Variants in USP37 observed in about 807,000 individuals in gnomAD.
The protein encoded by USP37 is ubiquitin specific peptidase 37, also known as ubiquitin carboxyl-terminal hydrolase 37.
Under a neutral mutation model 124.0 loss-of-function variants are expected in USP37, and 27 were observed. That is an observed-to-expected ratio of 0.22 (90% confidence interval 0.16 to 0.30). USP37 has a LOEUF of 0.30. USP37 is among the 10% of genes least tolerant of loss of function. USP37 has a pLI of 1.00. For synonymous variants in USP37, 365 were observed against 388.0 expected, an observed-to-expected ratio of 0.94 and a Z score of 0.70; for missense variants, 889 against 1,140.4, an observed-to-expected ratio of 0.78 and a Z score of 3.17.
At chr2:218,491,921 C>G (rs1405468716) in intron 14 of USP37, among the ~76,000 whole-genome samples, 2 of 151,910 alleles carry the variant, frequency 1.3e-5, no homozygotes, top group South Asian at 2.1e-4. Context: ...ATATGGGGGC[C>G]AGGTGTGGGG....
Position 218,553,762 on chromosome 2 carries a change from A to T in USP37, c.157-38T>A, listed in dbSNP as rs1446477392. The T allele has an allele frequency of 2.6e-6, 4 of 1,568,486 alleles. No homozygotes were observed. The African/African-American group carries it at 5.4e-5, about 21-fold the overall frequency. On this transcript the variant is annotated intron_variant, in intron 4 of 25. Transcript: ENST00000258399. The stretch of plus-strand genomic sequence containing the variant: ...AAAGGAAAATTATCATCAAAAATGT[A>T]TGACAACTAAGTATAACAATCTGTA...
intron 23 of USP37, among the ~76,000 whole-genome samples, chr2:218,458,039 C>CAAAAAA (rs34696201): frequency 3.3e-5 from 3 of 90,194 alleles, no homozygotes; most frequent in African/African-American, 4.4e-5. Flanking sequence ...GACTCTGTCT[C>CAAAAAA]AAAAAAAAAA....
chr2:218,508,289 TA>T (rs1689792191), intron 11 of USP37, among the ~76,000 whole-genome samples: 3 of 151,680 alleles, frequency 2.0e-5, no homozygotes, highest in Admixed American at 6.6e-5. Flanking sequence ...TTTTTTTTTT[TA>T]AAAGGAGTTC....
At position 218,535,487 on chromosome 2, in the gene USP37, G is replaced by A. The variant is rs1417079018; in HGVS notation, c.681-781C>T. 7.3e-5 allele frequency among the ~76,000 whole-genome samples: 11 copies of A among 151,670 alleles called. No homozygotes were observed. The East Asian group carries it at 9.7e-4, about 13-fold the overall frequency. On this transcript the variant is annotated intron_variant, in intron 8 of 25. Coordinates refer to ENST00000258399, the MANE Select transcript of USP37 (RefSeq NM_020935.3). ...AGCAGCTTGGGAGGGCGAGGCGGGC[G>A]GATCACCTGAGGTTGGGAGTTCGAG...
At chr2:218,494,568 A>G (rs1455266918) in intron 14 of USP37, among the ~76,000 whole-genome samples, 1 of 152,238 alleles carries the variant, frequency 6.6e-6, no homozygotes, top group Non-Finnish European at 1.5e-5. Context: ...GAGTAATAGG[A>G]TATGATAGGG....
chr2:218,466,334 G>A (rs1412242122), intron 20 of USP37, among the ~76,000 whole-genome samples, 158 bp from the exon 21 acceptor site: 2 of 152,156 alleles, frequency 1.3e-5, no homozygotes, highest in Non-Finnish European at 2.9e-5. Flanking sequence ...CGTCAGGGTT[G>A]ATCAACCTAG....
chr2:218,525,835 C>T (rs1349436312), intron 10 of USP37, among the ~76,000 whole-genome samples: 1 of 152,168 alleles, frequency 6.6e-6, no homozygotes, highest in Non-Finnish European at 1.5e-5. Context: ...CCCCAATCCT[C>T]TCCCTCCTTC....
chr2:218,485,529 A>T, intron 16 of USP37, 135 bp downstream of exon 16: 1 of 1,026,568 alleles, frequency 9.7e-7, no homozygotes, highest in Non-Finnish European at 1.4e-6. Context: ...GACCCTCTTT[A>T]CCAATCCATT....
chr2:218,544,140 G>A (rs1393412360), intron 8 of USP37, among the ~76,000 whole-genome samples: 1 of 151,834 alleles, frequency 6.6e-6, no homozygotes, highest in East Asian at 1.9e-4. Context: ...AGCACTTTGG[G>A]AGGTCGAGGC....
chr2:218,564,413 CA>C (rs1234029066), intron 1 of USP37, among the ~76,000 whole-genome samples: 1 of 152,128 alleles, frequency 6.6e-6, no homozygotes, highest in Non-Finnish European at 1.5e-5. Context: ...TTTATAAATA[CA>C]GTCAGTGAGA....
chr2:218,505,466 G>A (rs866812190), intron 11 of USP37, among the ~76,000 whole-genome samples: 40 of 152,166 alleles, frequency 2.6e-4, no homozygotes, highest in African/African-American at 9.2e-4. Flanking sequence ...ATTTTCTGTA[G>A]AGTCCTCAGG....
Position 218,553,610 on chromosome 2 carries a change from C to A in USP37, c.271G>T (p.Asp91Tyr). The A allele has an allele frequency of 6.2e-7, 1 of 1,613,842 alleles. No individual in the cohort carries two copies. Among genetic ancestry groups the A allele is most frequent in the South Asian group, 1.1e-5 (1 of 91,036 alleles). ...FLSIDKVPSK[D>Y]AEEMRLFLDA... is the part of the protein sequence containing the mutation. ...AGAAACAACCTCATTTCCTCTGCAT[C>A]CTTACTTGGTACTTTGTCAATAGAC... The change falls in exon 5 of 26, where the codon GAT becomes TAT. Residue 91 changes from aspartate to tyrosine, a missense_variant. Physicochemically the swap from Asp to Tyr is radical, Grantham distance 160. This residue lies in a region of USP37 where 374 missense variants were observed against 386.0 expected (regional missense o/e 0.97). Coordinates refer to ENST00000258399, the MANE Select transcript of USP37 (RefSeq NM_020935.3).
rs1385182872 is a variant in USP37 at position 218,513,166 on chromosome 2, G to A, written c.864-3026C>T. Among the ~76,000 whole-genome samples the A allele has an allele frequency of 2.0e-5, 3 of 152,126 alleles. 1 individual carries two copies. Among genetic ancestry groups the A allele is most frequent in the Admixed American group, 2.0e-4 (3 of 15,270 alleles). ...CCATCTCAACTTCCCAAGTAGCTGG[G>A]ACTATAGGCGTGCACCACCATGTCT... On this transcript the variant is annotated intron_variant, in intron 10 of 25. Transcript: ENST00000258399.
intron 1 of USP37, among the ~76,000 whole-genome samples, chr2:218,567,656 T>TATC (rs1234394852): frequency 6.6e-6 from 1 of 152,236 alleles, no homozygotes; most frequent in African/African-American, 2.4e-5. Flanking sequence ...CACAGGATTT[T>TATC]ATCATCAATC....
At chr2:218,505,757 T>C (rs1389492534) in intron 11 of USP37, among the ~76,000 whole-genome samples, 1 of 152,210 alleles carries the variant, frequency 6.6e-6, no homozygotes, top group African/African-American at 2.4e-5. Flanking sequence ...CTAAGATATG[T>C]CTTGATTATT....
At chr2:218,472,705 A>G (rs1341438063) in intron 20 of USP37, among the ~76,000 whole-genome samples, 10 of 152,066 alleles carry the variant, frequency 6.6e-5, no homozygotes, top group Admixed American at 6.6e-4. Context: ...ATCTCAGGTG[A>G]TTCACCCACC....
intron 3 of USP37, among the ~76,000 whole-genome samples, chr2:218,560,210 G>A (rs1693238593): frequency 6.6e-6 from 1 of 152,108 alleles, no homozygotes; most frequent in Non-Finnish European, 1.5e-5. Context: ...TACTTCTAAA[G>A]TGGATTCTTG....
At chr2:218,461,024 CGT>C (rs1491411817) in intron 22 of USP37, among the ~76,000 whole-genome samples, 2 of 152,074 alleles carry the variant, frequency 1.3e-5, no homozygotes, top group African/African-American at 4.8e-5. Context: ...TTAAATTTCA[CGT>C]AAGATATACT....
intron 22 of USP37, among the ~76,000 whole-genome samples, chr2:218,462,455 T>G (rs1370593498): frequency 6.6e-6 from 1 of 152,178 alleles, no homozygotes; most frequent in Non-Finnish European, 1.5e-5. Context: ...TACATCTACT[T>G]CTTCCAGCTT....
Sources: gnomAD v4.1 joint callset for allele counts (sites outside exome capture counted in the v4.1 genomes callset) on GRCh38, gnomAD v4.1.1 for gene constraint, gnomAD v4.1.1 regional missense constraint, MANE v1.5 for transcripts, NCBI Gene and HGNC (gene_info 2026-07-23, HGNC 2026-07-21) for gene names.